SPATA13: variants seen among roughly 807,000 people sequenced by gnomAD.
SPATA13 encodes the protein spermatogenesis-associated protein 13.
In SPATA13, 50 loss-of-function variants were observed where a neutral mutation model predicts 104.0. The ratio of observed to expected loss-of-function variants is 0.48; its 90% CI spans 0.38 to 0.61. The LOEUF (loss-of-function observed/expected upper bound fraction) is 0.61, where lower values mean the gene tolerates loss of function less well. Among genes scored for constraint, SPATA13 ranks in the 20% least tolerant of loss-of-function variants. The probability of loss-of-function intolerance (pLI) is 0.00; values close to 1 mark genes in which losing one functional copy is unlikely to be tolerated. For synonymous variants in SPATA13, 606 were observed against 667.5 expected (o/e 0.91, Z 1.42); for missense variants, 1,524 against 1,690.6 (o/e 0.90, Z 1.73).
At chr13:24,073,673 A>G (rs943575649) in intron 3 of SPATA13, among the ~76,000 whole-genome samples, 1 of 152,230 alleles carries the variant, frequency 6.6e-6, no homozygotes, top group African/African-American at 2.4e-5. Flanking sequence ...TTACTGCAGC[A>G]TGATTTTGGG....
intron 3 of SPATA13, among the ~76,000 whole-genome samples, chr13:24,035,930 G>A (rs932822841): frequency 1.3e-5 from 2 of 150,914 alleles, no homozygotes; most frequent in African/African-American, 2.4e-5. Context: ...CTGGAGAATC[G>A]CTTGAGCCCG....
At chr13:24,292,864 C>T (rs926938424) in intron 9 of SPATA13, among the ~76,000 whole-genome samples, 2 of 151,574 alleles carry the variant, frequency 1.3e-5, no homozygotes. Flanking sequence ...GGCATGGTGG[C>T]GGGCACCTGT....
intron 4 of SPATA13, among the ~76,000 whole-genome samples, chr13:24,261,716 A>G (rs1240346633): frequency 1.3e-5 from 2 of 152,166 alleles, no homozygotes; most frequent in Non-Finnish European, 2.9e-5. Flanking sequence ...CAAATGCACC[A>G]AAGTGTAGAG....
chr13:24,016,282 C>T (rs1176082911), intron 2 of SPATA13, among the ~76,000 whole-genome samples: 1 of 152,184 alleles, frequency 6.6e-6, no homozygotes, highest in Non-Finnish European at 1.5e-5. Flanking sequence ...TGGCCCTGGG[C>T]CCTCCAGGAA....
At chr13:24,174,386 C>CT (rs567307079) in intron 1 of SPATA13, among the ~76,000 whole-genome samples, 26 of 149,586 alleles carry the variant, frequency 1.7e-4, no homozygotes, top group African/African-American at 4.7e-4. Flanking sequence ...GCTTAGTTTG[C>CT]TTTTTTTTTC....
At chr13:24,035,302 G>A (rs1289243149) in intron 3 of SPATA13, among the ~76,000 whole-genome samples, 1 of 152,140 alleles carries the variant, frequency 6.6e-6, no homozygotes, top group East Asian at 1.9e-4. Flanking sequence ...TTACAGGTGT[G>A]CACCAACACA....
chr13:24,150,958 G>T (rs1882083935), intron 3 of SPATA13, among the ~76,000 whole-genome samples: 1 of 152,222 alleles, frequency 6.6e-6, no homozygotes, highest in Non-Finnish European at 1.5e-5. Context: ...CAGCCAAATT[G>T]ATGCATAAAG....
At chr13:23,982,065 A>T (rs998727394) in intron 1 of SPATA13, among the ~76,000 whole-genome samples, 2 of 152,264 alleles carry the variant, frequency 1.3e-5, no homozygotes, top group African/African-American at 4.8e-5. Context: ...ACATGTAAAG[A>T]TGTGTGTGTT....
chr13:24,159,562 G>T (rs1296944334), upstream of SPATA13, among the ~76,000 whole-genome samples: 1 of 152,166 alleles, frequency 6.6e-6, no homozygotes, highest in African/African-American at 2.4e-5. Context: ...CATGTGTTAT[G>T]ATTGATGGGC....
chr13:24,146,555 A>C (rs933939456), intron 3 of SPATA13, among the ~76,000 whole-genome samples: 2 of 152,244 alleles, frequency 1.3e-5, no homozygotes, highest in Non-Finnish European at 2.9e-5. Context: ...ATAAACCTGT[A>C]TGATAATTAA....
intron 10 of SPATA13, among the ~76,000 whole-genome samples, chr13:24,297,012 T>TTTG (rs565623730): frequency 2.6e-5 from 4 of 151,922 alleles, no homozygotes; most frequent in Admixed American, 6.6e-5. Context: ...GGAGTTTGTT[T>TTTG]TTGTTGTTGT....
At position 24,287,677 on chromosome 13, in the gene SPATA13, T is replaced by C. The variant is rs575338972; in HGVS notation, c.2667+727T>C. Among the ~76,000 whole-genome samples the C allele has an allele frequency of 3.3e-5, 5 of 152,330 alleles. No homozygotes were observed. The South Asian group carries it at 8.3e-4, about 25-fold the overall frequency. ...GATGGGAAAAAATGCTGGTTTTATA[T>C]TGGTCATATGAAAGGCTATATTCTA... On this transcript the variant is annotated intron_variant, in intron 7 of 12. Coordinates refer to ENST00000382108, the MANE Select transcript of SPATA13 (RefSeq NM_001166271.3).
chr13:24,187,053 A>G (rs1566138916), intron 1 of SPATA13, among the ~76,000 whole-genome samples: 1 of 152,188 alleles, frequency 6.6e-6, no homozygotes, highest in Non-Finnish European at 1.5e-5. Context: ...TCCAGCAAAC[A>G]CCAGGTTGCA....
chr13:24,265,305 T>G (rs953782664), intron 4 of SPATA13, among the ~76,000 whole-genome samples: 1 of 152,218 alleles, frequency 6.6e-6, no homozygotes, highest in Non-Finnish European at 1.5e-5. Flanking sequence ...GGACATGCCA[T>G]GCCCTGTGTT....
intron 2 of SPATA13, among the ~76,000 whole-genome samples, chr13:24,004,711 C>T (rs1876144408): frequency 6.6e-6 from 1 of 152,124 alleles, no homozygotes; most frequent in Admixed American, 6.5e-5. Context: ...AATTTACATT[C>T]CATACGATTT....
intron 3 of SPATA13, among the ~76,000 whole-genome samples, chr13:24,077,134 A>G (rs1268076999): frequency 1.3e-5 from 2 of 152,098 alleles, no homozygotes; most frequent in Middle Eastern, 3.2e-3. Context: ...GTTGAACTTA[A>G]TAGCAAATAG....
intron 2 of SPATA13, among the ~76,000 whole-genome samples, chr13:24,010,528 C>T (rs1411739698): frequency 1.4e-4 from 21 of 151,596 alleles, no homozygotes; most frequent in African/African-American, 4.1e-4. Context: ...TTTGCCTAAC[C>T]CCAGCTTGAC....
chr13:24,041,898 G>A (rs9580835), intron 3 of SPATA13, among the ~76,000 whole-genome samples: 71,107 of 152,146 alleles, frequency 0.47, 17,381 homozygotes, highest in African/African-American at 0.6. Flanking sequence ...TGGAATCAGA[G>A]TGAGGCGTAA....
intron 9 of SPATA13, among the ~76,000 whole-genome samples, chr13:24,293,258 G>A (rs1319240111): frequency 6.7e-6 from 1 of 150,164 alleles, no homozygotes; most frequent in Non-Finnish European, 1.5e-5. Context: ...AGTCAAGAGA[G>A]CCACAAAATT....
Sources: gnomAD v4.1 joint callset for allele counts (sites outside exome capture counted in the v4.1 genomes callset) on GRCh38, gnomAD v4.1.1 for gene constraint, MANE v1.5 for transcripts, NCBI Gene and HGNC (gene_info 2026-07-23, HGNC 2026-07-21) for gene names.